The following ERAP2 variants were observed in gnomAD, a reference collection of about 807,000 sequenced individuals.
ERAP2 encodes the protein leukocyte-derived arginine aminopeptidase.
Under a neutral mutation model 111.1 loss-of-function variants are expected in ERAP2, and 118 were observed. That is an observed-to-expected ratio of 1.06 (90% CI 0.92 to 1.24). The LOEUF (loss-of-function observed/expected upper bound fraction) is 1.24, where lower values mean the gene tolerates loss of function less well. Ranked by LOEUF, ERAP2 falls within the 50% of genes most tolerant of loss-of-function variation. The pLI is 0.00. For missense variants in ERAP2, 1,131 were observed against 1,125.8 expected (o/e 1.00, Z -0.07); for synonymous variants, 410 against 401.2 (o/e 1.02, Z -0.26).
chr5:96,890,588 A>T (rs1274001898), intron 5 of ERAP2, among the ~76,000 whole-genome samples: 1 of 152,136 alleles, frequency 6.6e-6, no homozygotes, highest in Non-Finnish European at 1.5e-5. Flanking sequence ...TGACAAAACA[A>T]TTTTTTTCCT....
chr5:96,912,848 C>A, intron 16 of ERAP2, 50 bp downstream of exon 16: 2 of 1,476,436 alleles, frequency 1.4e-6, no homozygotes, highest in South Asian at 1.3e-5. Flanking sequence ...GACACAAATT[C>A]AGTGAAGTCA....
chr5:96,888,423 T>A (rs1439015619), intron 4 of ERAP2, among the ~76,000 whole-genome samples: 1 of 152,222 alleles, frequency 6.6e-6, no homozygotes, highest in Non-Finnish European at 1.5e-5. Flanking sequence ...AATCATTATG[T>A]GTTTTTATTG....
At chr5:96,901,481 T>A in intron 10 of ERAP2, 25 bp from the exon 11 acceptor site, 1 of 1,610,110 alleles carries the variant, frequency 6.2e-7, no homozygotes, top group Non-Finnish European at 8.5e-7. Context: ...CTCTCTTGAG[T>A]TATCATAGTC....
chr5:96,899,289 TC>T (rs1226145461), intron 9 of ERAP2, among the ~76,000 whole-genome samples: 3 of 152,020 alleles, frequency 2.0e-5, no homozygotes, highest in Non-Finnish European at 4.4e-5. Flanking sequence ...TTAAGAAAAG[TC>T]CCCCATCAAT....
rs776367183 is a variant in ERAP2 at position 96,879,794 on chromosome 5, C to T, written c.109C>T (p.Gln37Ter). The T allele has an allele frequency of 1.9e-6, 3 of 1,614,184 alleles. No individual in the cohort carries two copies. Among genetic ancestry groups the T allele is most frequent in the South Asian group, 1.1e-5 (1 of 91,088 alleles). The change falls in exon 2 of 19, where the codon CAG becomes TAG. Residue 37 changes from glutamine to a stop codon, truncating the protein, a stop_gained. Transcript: ENST00000437043. LOFTEE classifies it high-confidence loss of function. The stretch of plus-strand genomic sequence containing the variant: ...CTTGCCCCAAATATGCATTTGTTCT[C>T]AGTTCTCAGTGCCATCTAGTTATCA... Reference protein sequence around the residue: ...AILPQICICSQFSVPSSYHFT... With the variant: ...AILPQICICS
Position 96,883,922 on chromosome 5 carries a change from A to G in ERAP2, c.706A>G (p.Met236Val). The change falls in exon 3 of 19, where the codon ATG becomes GTG. Residue 236 changes from methionine (M) to valine (V), a missense_variant. Physicochemically the swap from Met to Val is conservative, Grantham distance 21 (BLOSUM62 1). This residue lies in a region of ERAP2 where 847 missense variants were observed against 856.5 expected (regional missense o/e 0.99). Coordinates refer to ENST00000437043, the MANE Select transcript of ERAP2 (RefSeq NM_022350.5). ...RESRHIALSN[M>V]PKVKTIELEG... ...GAGCAGGCATATTGCACTATCCAAC[A>G]TGCCAAAGGTATGTCCACTTCCAGA... 1 of 1,599,436 alleles carries G rather than the reference A, an allele frequency of 6.3e-7. No homozygotes were observed. The highest frequency in any genetic ancestry group is 2.3e-5 in the East Asian group (1 of 43,960).
intron 18 of ERAP2, among the ~76,000 whole-genome samples, chr5:96,917,231 C>T (rs1787514401): frequency 7.7e-6 from 1 of 129,136 alleles, no homozygotes; most frequent in South Asian, 2.3e-4. Context: ...CTCAGCCTTC[C>T]AAGTAGCTGG....
intron 10 of ERAP2, among the ~76,000 whole-genome samples, chr5:96,901,058 A>G (rs1470013942): frequency 1.3e-5 from 2 of 152,168 alleles, no homozygotes; most frequent in Non-Finnish European, 2.9e-5. Flanking sequence ...TTCTCCATTC[A>G]CTACACCTCT....
At chr5:96,900,469 G>A (rs570878508) in intron 10 of ERAP2, among the ~76,000 whole-genome samples, 1 of 152,230 alleles carries the variant, frequency 6.6e-6, no homozygotes, top group African/African-American at 2.4e-5. Context: ...GGTTACTACT[G>A]CATTGGCATC....
chr5:96,900,120 G>A lies in ERAP2; in HGVS notation c.1504-1G>A, dbSNP rs1195729363. The A allele has an allele frequency of 6.2e-7, 1 of 1,613,714 alleles. No homozygotes were observed. On this transcript the variant is annotated splice_acceptor_variant, in intron 9 of 18. Transcript: ENST00000437043. LOFTEE classifies it high-confidence loss of function. ...AGTGCTCTTTTGTTCTTGTTTTGTA[G>A]AGTTGTTTAGAAAGTGATTTTACAT...
At chr5:96,902,415 T>C in intron 12 of ERAP2, 62 bp downstream of exon 12, 3 of 1,019,476 alleles carry the variant, frequency 2.9e-6, no homozygotes, top group Non-Finnish European at 3.1e-6. Context: ...GTTGAGCTAT[T>C]TGAAGGAACG....
rs376158105 is a variant in ERAP2, at chr5:96,904,847, T to C, written c.2012+1287T>C. On this transcript the variant is annotated intron_variant, in intron 13 of 18. Coordinates refer to ENST00000437043, the MANE Select transcript of ERAP2 (RefSeq NM_022350.5). ...AAATTTGCAGTTATTGATGCATTGGTGGAAAACTAATCATCTTTTCTTCAC... is the reference window on the plus strand; with the variant it reads ...AAATTTGCAGTTATTGATGCATTGGCGGAAAACTAATCATCTTTTCTTCAC... 3.3e-5 allele frequency among the ~76,000 whole-genome samples: 5 copies of C among 152,352 alleles called. No individual in the cohort carries two copies. In the South Asian group the frequency reaches 1.0e-3, roughly 32 times the overall value.
intron 9 of ERAP2, among the ~76,000 whole-genome samples, chr5:96,897,907 A>G (rs1785027532): frequency 6.6e-6 from 1 of 152,200 alleles, no homozygotes; most frequent in African/African-American, 2.4e-5. Flanking sequence ...GTTTAAAGAC[A>G]CTTTCATGGC....
At chr5:96,902,039 T>C (rs574604063) in intron 11 of ERAP2, among the ~76,000 whole-genome samples, 47 of 152,344 alleles carry the variant, frequency 3.1e-4, no homozygotes, top group African/African-American at 1.1e-3. Context: ...ACACAAGTAT[T>C]TGTGGCAGAG....
Position 96,892,346 on chromosome 5 carries a change from G to C in ERAP2, c.1018G>C (p.Gly340Arg). 6.2e-7 allele frequency: 1 copy of C among 1,613,778 alleles called. No individual in the cohort carries two copies. Among genetic ancestry groups the C allele is most frequent in the Non-Finnish European group, 8.5e-7 (1 of 1,179,864 alleles). Reference protein sequence around the residue: ...DFAPGAMENWGLITYRETSLL... With the variant: ...DFAPGAMENWRLITYRETSLL... ...TGCACCTGGAGCCATGGAAAATTGG[G>C]GCCTCATTACATATAGGGAGACGTC... Residue 340 changes from glycine (G) to arginine (R), a missense_variant, in exon 6 of 19, where the codon GGC becomes CGC. Gly to Arg is a moderately radical substitution (Grantham distance 125). Coordinates refer to ENST00000437043, the MANE Select transcript of ERAP2 (RefSeq NM_022350.5).
chr5:96,898,224 A>G (rs933541617), intron 9 of ERAP2, among the ~76,000 whole-genome samples: 2 of 152,018 alleles, frequency 1.3e-5, no homozygotes, highest in African/African-American at 2.4e-5. Flanking sequence ...AATAATTAAT[A>G]ATAAATAAAA....
intron 2 of ERAP2, chr5:96,881,423 C>T: frequency 2.2e-6 from 1 of 456,166 alleles, no homozygotes; most frequent in South Asian, 1.5e-5. Flanking sequence ...ATAGAAGAAT[C>T]AAGGATGCTT....
At chr5:96,887,020 G>T (rs1466722264) in intron 4 of ERAP2, among the ~76,000 whole-genome samples, 1 of 144,434 alleles carries the variant, frequency 6.9e-6, no homozygotes, top group Admixed American at 6.9e-5. Flanking sequence ...AGCATATATG[G>T]GTGTACATAG....
At chr5:96,908,852 A>C (rs1786385185) in intron 13 of ERAP2, 109 bp from the exon 14 acceptor site, 3 of 1,163,474 alleles carry the variant, frequency 2.6e-6, no homozygotes, top group Non-Finnish European at 3.6e-6. Context: ...TGGCCCAGCT[A>C]TAATGACCTA....
Sources: gnomAD v4.1 joint callset for allele counts (sites outside exome capture counted in the v4.1 genomes callset) on GRCh38, gnomAD v4.1.1 for gene constraint, gnomAD v4.1.1 regional missense constraint, MANE v1.5 for transcripts, NCBI Gene and HGNC (gene_info 2026-07-23, HGNC 2026-07-21) for gene names.